PDGFA: variants seen among roughly 807,000 people sequenced by gnomAD.
PDGFA encodes platelet-derived growth factor subunit A.
In PDGFA, 9 loss-of-function variants were observed where a neutral mutation model predicts 25.6. That is an observed-to-expected ratio of 0.35 (90% CI 0.21 to 0.61). The LOEUF is 0.61. Among genes scored for constraint, PDGFA ranks in the 20% least tolerant of loss-of-function variants. The pLI, the probability that PDGFA is intolerant of heterozygous loss-of-function variation, is 0.75. For synonymous variants in PDGFA, 133 were observed against 111.8 expected, an observed-to-expected ratio of 1.19 and a Z score of -1.20; for missense variants, 242 against 272.8, an observed-to-expected ratio of 0.89 and a Z score of 0.79.
chr7:517,453 G>T lies in PDGFA; in HGVS notation c.101C>A (p.Ala34Asp). 7.2e-7 allele frequency: 1 copy of T among 1,382,394 alleles called. No homozygotes were observed. Among genetic ancestry groups the T allele is most frequent in the Non-Finnish European group, 9.5e-7 (1 of 1,053,250 alleles). 85.6% of individuals were successfully genotyped at this position (1,382,394 alleles called of 1,614,324 possible). A position where few individuals can be genotyped will look rare whatever the true frequency, so the allele number is the denominator to read the frequency against. The change falls in exon 2 of 6, where the codon GCC becomes GAC. Residue 34 changes from alanine to aspartate, a missense_variant. Ala to Asp is a moderately radical substitution (Grantham distance 126, BLOSUM62 -2). This residue lies in a region of PDGFA where 113 missense variants were observed against 98.3 expected (regional missense o/e 1.15). Coordinates refer to ENST00000402802, the Ensembl canonical transcript of PDGFA. The surrounding 1 kb of genome is among the most constrained non-coding windows in gnomAD (Gnocchi z 7.4). ...CCGGATGCTGTGGATCTGACTGCGGGCCAGCCTCTCGATCACCTCGCGGGG... is the reference window on the plus strand; with the variant it reads ...CCGGATGCTGTGGATCTGACTGCGGTCCAGCCTCTCGATCACCTCGCGGGG...
intron 3 of PDGFA, among the ~76,000 whole-genome samples, chr7:511,378 G>GAACCTAGTCCAGGTGCGGCCA (rs1416191590): frequency 5.3e-5 from 2 of 38,024 alleles, no homozygotes; most frequent in Non-Finnish European, 2.4e-4. Flanking sequence ...AGAGACTGGG[G>GAACCTAGTCCAGGTGCGGCCA]GTGGCAGGGG....
chr7:520,002 G>A, upstream of PDGFA: 1 of 371,382 alleles, frequency 2.7e-6, no homozygotes, highest in African/African-American at 2.3e-5. Flanking sequence ...CAGGGCCCGG[G>A]CGCCGCCGCC....
intron 3 of PDGFA, 146 bp downstream of exon 3, chr7:512,205 G>A: frequency 4.1e-6 from 3 of 730,896 alleles, no homozygotes; most frequent in Non-Finnish European, 6.6e-6. Flanking sequence ...CCTATTTTAG[G>A]GAGGAGGGAA....
At chr7:506,100 C>T (rs577755553) in intron 4 of PDGFA, among the ~76,000 whole-genome samples, 5 of 147,618 alleles carry the variant, frequency 3.4e-5, no homozygotes, top group South Asian at 4.3e-4. Context: ...TGCCTGAACC[C>T]GGGAGGTGGA....
Position 510,766 on chromosome 7 carries a change from G to GAGGAGGGGAGGGGAGAGGAC in PDGFA, c.453+42_453+43insGTCCTCTCCCCTCCCCTCCT. On this transcript the variant is annotated intron_variant, in intron 4 of 5. Coordinates refer to ENST00000402802, the Ensembl canonical transcript of PDGFA. ...GAGGAGAGGAGGGGAGGGGAGAGGA[G>GAGGAGGGGAGGGGAGAGGAC]AGGAGGGGAGGGGAGGGGAGGGGAG... The GAGGAGGGGAGGGGAGAGGAC allele has an allele frequency of 4.8e-6, 3 of 620,434 alleles. No individual in the cohort carries two copies. The Admixed American group carries it at 8.3e-5, about 17-fold the overall frequency. The allele number at this position is 620,434 out of a possible 1,614,324, so 38.4% of individuals were successfully genotyped here.
At chr7:514,170 G>T (rs1241174481) in intron 2 of PDGFA, among the ~76,000 whole-genome samples, 4 of 152,206 alleles carry the variant, frequency 2.6e-5, no homozygotes, top group Non-Finnish European at 5.9e-5. Context: ...GCTTCTGAGT[G>T]TGCGGTGGGT....
intron 2 of PDGFA, among the ~76,000 whole-genome samples, chr7:513,941 G>C (rs1420580331): frequency 6.6e-6 from 1 of 152,204 alleles, no homozygotes; most frequent in East Asian, 1.9e-4. Context: ...TACTCATGCA[G>C]TAAGAATTTC....
intron 4 of PDGFA, among the ~76,000 whole-genome samples, chr7:507,409 C>T (rs779607847): frequency 1.2e-4 from 19 of 152,188 alleles, no homozygotes; most frequent in Non-Finnish European, 1.9e-4. Flanking sequence ...CCACTCCCAG[C>T]GGGGAACTGG....
intron 2 of PDGFA, 199 bp from the exon 3 acceptor site, chr7:512,654 G>T (rs1268958383): frequency 1.3e-6 from 2 of 1,513,152 alleles, no homozygotes; most frequent in Non-Finnish European, 1.8e-6. Flanking sequence ...GAGATGCAGG[G>T]CATGAAACAC....
At chr7:509,428 C>A (rs766690819) in intron 4 of PDGFA, among the ~76,000 whole-genome samples, 2 of 152,110 alleles carry the variant, frequency 1.3e-5, no homozygotes, top group African/African-American at 4.8e-5. Context: ...GTAGCTGGGA[C>A]GACAGGCACT....
Position 501,062 on chromosome 7 carries a change from A to G in PDGFA, c.580+54T>C, listed in dbSNP as rs757466489. The G allele has an allele frequency of 3.1e-6, 5 of 1,613,808 alleles. No homozygotes were observed. In the South Asian group the frequency reaches 4.4e-5, roughly 14 times the overall value. ...GGGGGCCACCTAACACCCCAAAAGC[A>G]AGGCTCTGAAGACCTGTTCTCCAAC... On this transcript the variant is annotated intron_variant, in intron 5 of 5. Coordinates refer to ENST00000402802, the Ensembl canonical transcript of PDGFA.
Position 500,416 on chromosome 7 carries a change from G to A in PDGFA, c.580+700C>T, listed in dbSNP as rs371452325. Reference sequence around the variant, plus strand: ...CCGCCCTGCAGGACTCAGTGTGTCCGGCAGACAGTCCTACCTGGTTGGCTG... The same window carrying A: ...CCGCCCTGCAGGACTCAGTGTGTCCAGCAGACAGTCCTACCTGGTTGGCTG... On this transcript the variant is annotated intron_variant, in intron 5 of 5. Transcript: ENST00000402802. This position sits in a 1 kb window ranked among gnomAD's most constrained non-coding sequence, Gnocchi z 5.0. 72 of 1,612,312 alleles carry A rather than the reference G, an allele frequency of 4.5e-5. No individual in the cohort carries two copies. The African/African-American group carries it at 7.3e-4, about 16-fold the overall frequency.
intron 4 of PDGFA, among the ~76,000 whole-genome samples, chr7:504,528 T>TA (rs1782478013): frequency 6.6e-6 from 1 of 151,850 alleles, no homozygotes; most frequent in Non-Finnish European, 1.5e-5. Flanking sequence ...TGGACACAGG[T>TA]CCCAGCAGGA....
At chr7:519,138 G>A (rs1294534401) in exon 1 of PDGFA, 7 of 569,230 alleles carry the variant, frequency 1.2e-5, no homozygotes, top group Non-Finnish European at 2.1e-5. Context: ...GGGGAGCACG[G>A]AGCTGGCGGA....
At chr7:508,092 A>G (rs2128397601) in intron 4 of PDGFA, among the ~76,000 whole-genome samples, 1 of 152,274 alleles carries the variant, frequency 6.6e-6, no homozygotes, top group Admixed American at 6.5e-5. Context: ...TTATGGGTCT[A>G]AAGTGCCCGG....
At chr7:505,925 G>C (rs139927453) in intron 4 of PDGFA, among the ~76,000 whole-genome samples, 41 of 152,304 alleles carry the variant, frequency 2.7e-4, no homozygotes, top group African/African-American at 9.4e-4. Context: ...TGTAATCCCA[G>C]CACTTTGGGA....
chr7:504,824 G>A (rs1239753489), intron 4 of PDGFA, among the ~76,000 whole-genome samples: 2 of 152,214 alleles, frequency 1.3e-5, no homozygotes, highest in Non-Finnish European at 2.9e-5. Flanking sequence ...GGCCCGTCTG[G>A]CCAGACACCA....
intron 2 of PDGFA, among the ~76,000 whole-genome samples, chr7:513,934 T>A (rs138848732): frequency 1.7e-4 from 26 of 152,334 alleles, no homozygotes; most frequent in African/African-American, 6.3e-4. Context: ...ACAGAACTAC[T>A]CATGCAGTAA....
intron 4 of PDGFA, among the ~76,000 whole-genome samples, chr7:509,838 G>A (rs998242736): frequency 6.6e-5 from 10 of 152,180 alleles, no homozygotes; most frequent in African/African-American, 2.4e-4. Context: ...TTCTGCTAAA[G>A]CAGCCTGAAG....
Sources: allele counts gnomAD v4.1 joint callset (sites outside exome capture counted in the v4.1 genomes callset), GRCh38; gene constraint gnomAD v4.1.1; regional missense constraint gnomAD v4.1.1; non-coding constraint Gnocchi (gnomAD v3.1); transcripts MANE v1.5; gene names NCBI Gene and HGNC (gene_info 2026-07-23, HGNC 2026-07-21).